Variants in ITGA8 observed in about 807,000 individuals in gnomAD.
ITGA8 encodes the protein integrin alpha-8.
Under a neutral mutation model 142.3 loss-of-function variants are expected in ITGA8, and 91 were observed. The observed-to-expected ratio is 0.64, with a 90% confidence interval of 0.54 to 0.76. ITGA8 has a LOEUF of 0.76. ITGA8 is among the 30% of genes least tolerant of loss of function. The probability of loss-of-function intolerance (pLI) is 0.00; values close to 1 mark genes in which losing one functional copy is unlikely to be tolerated. For missense variants in ITGA8, 1,406 were observed against 1,327.7 expected (o/e 1.06, Z -0.92); for synonymous variants, 505 against 485.2 (o/e 1.04, Z -0.54).
intron 8 of ITGA8, among the ~76,000 whole-genome samples, chr10:15,668,675 G>A (rs1166592828): frequency 6.6e-6 from 1 of 151,764 alleles, no homozygotes; most frequent in Non-Finnish European, 1.5e-5. Flanking sequence ...TCCTTTCCAT[G>A]TTTAGTGCTT....
chr10:15,663,108 T>G (rs1834320704), intron 8 of ITGA8, among the ~76,000 whole-genome samples: 1 of 147,522 alleles, frequency 6.8e-6, no homozygotes, highest in African/African-American at 2.5e-5. Context: ...ACCCATCATC[T>G]AGAGGACATT....
intron 2 of ITGA8, among the ~76,000 whole-genome samples, chr10:15,695,421 A>AT (rs1835032497): frequency 6.6e-6 from 1 of 152,156 alleles, no homozygotes; most frequent in African/African-American, 2.4e-5. Context: ...AATAAGTAAG[A>AT]TATATATGGG....
intron 27 of ITGA8, among the ~76,000 whole-genome samples, chr10:15,541,379 G>T (rs1833566250): frequency 6.6e-6 from 1 of 152,182 alleles, no homozygotes; most frequent in Non-Finnish European, 1.5e-5. Flanking sequence ...AGCCATCAAG[G>T]TGGTATTTCC....
chr10:15,575,815 A>C (rs550652961), intron 23 of ITGA8, among the ~76,000 whole-genome samples: 4 of 152,340 alleles, frequency 2.6e-5, no homozygotes, highest in African/African-American at 9.6e-5. Context: ...CCAGAGGGCA[A>C]CTATTTTATA....
intron 8 of ITGA8, among the ~76,000 whole-genome samples, chr10:15,663,212 T>C (rs1834322472): frequency 6.6e-6 from 1 of 152,184 alleles, no homozygotes. Flanking sequence ...TGTAGTGGTC[T>C]GGTGAGCTGA....
At chr10:15,576,726 C>A (rs964509473) in intron 23 of ITGA8, among the ~76,000 whole-genome samples, 3 of 152,120 alleles carry the variant, frequency 2.0e-5, no homozygotes, top group African/African-American at 4.8e-5. Context: ...GGTTTGTGTA[C>A]CACAAATGTT....
At chr10:15,576,326 A>T (rs1035718016) in intron 23 of ITGA8, among the ~76,000 whole-genome samples, 2 of 152,184 alleles carry the variant, frequency 1.3e-5, no homozygotes, top group African/African-American at 2.4e-5. Context: ...TTTTCCTGCA[A>T]CGTACACCTA....
intron 24 of ITGA8, 94 bp from the exon 25 acceptor site, chr10:15,572,463 T>C (rs1386064642): frequency 8.5e-7 from 1 of 1,177,798 alleles, no homozygotes; most frequent in Admixed American, 2.2e-5. Context: ...AGAAAGCATG[T>C]ATTATTGGTT....
chr10:15,688,102 T>A (rs1377692993), intron 2 of ITGA8, 64 bp from the exon 3 acceptor site: 6 of 1,066,938 alleles, frequency 5.6e-6, no homozygotes, highest in African/African-American at 3.1e-5. Context: ...AAACACATAA[T>A]AAATTTGTAC....
At position 15,708,069 on chromosome 10, in the gene ITGA8, G is replaced by A. The variant is rs146370074; in HGVS notation, c.343+10697C>T. The stretch of plus-strand genomic sequence containing the variant: ...CTGGCTGTTCCTATGAACCCCATCC[G>A]ACGGGACAAAATCTTAGGCTTTGTT... On this transcript the variant is annotated intron_variant, in intron 2 of 29. Coordinates refer to ENST00000378076, the MANE Select transcript of ITGA8 (RefSeq NM_003638.3). 3.0e-4 allele frequency among the ~76,000 whole-genome samples: 45 copies of A among 151,638 alleles called. 1 individual carries two copies. The highest frequency in any genetic ancestry group is 1.0e-3 in the African/African-American group (42 of 41,318).
rs574614921 is a variant in ITGA8 at position 15,688,759 on chromosome 10, C to T, written c.344-721G>A. Among the ~76,000 whole-genome samples the T allele has an allele frequency of 7.9e-5, 12 of 152,272 alleles. No homozygotes were observed. The South Asian group carries it at 2.3e-3, about 29-fold the overall frequency. ...TGAAGGGCAAAAACCATATGATCAT[C>T]TTAATAGATGCAGAGAAAGCCTTTG... On this transcript the variant is annotated intron_variant, in intron 2 of 29. Coordinates refer to ENST00000378076, the MANE Select transcript of ITGA8 (RefSeq NM_003638.3).
At chr10:15,678,278 C>T (rs933471002) in intron 5 of ITGA8, among the ~76,000 whole-genome samples, 6 of 152,016 alleles carry the variant, frequency 3.9e-5, no homozygotes, top group East Asian at 1.9e-4. Context: ...GAATCTTTTC[C>T]CTCTACATTC....
chr10:15,611,267 C>T (rs1366203219), intron 15 of ITGA8, among the ~76,000 whole-genome samples: 2 of 152,126 alleles, frequency 1.3e-5, no homozygotes, highest in Non-Finnish European at 2.9e-5. Flanking sequence ...TCTTCTGAGG[C>T]TCTGAGGCAC....
intron 13 of ITGA8, among the ~76,000 whole-genome samples, chr10:15,620,999 C>G (rs1554778755): frequency 6.6e-6 from 1 of 152,126 alleles, no homozygotes; most frequent in Non-Finnish European, 1.5e-5. Flanking sequence ...AGTTTCAGGG[C>G]TGATATTTGA....
chr10:15,633,251 A>G (rs1301863510), intron 13 of ITGA8, among the ~76,000 whole-genome samples: 1 of 152,122 alleles, frequency 6.6e-6, no homozygotes, highest in Non-Finnish European at 1.5e-5. Context: ...CCTTTTTGAA[A>G]AAACTAGGAA....
intron 13 of ITGA8, among the ~76,000 whole-genome samples, chr10:15,632,728 C>CT (rs984776465): frequency 2.4e-4 from 36 of 149,532 alleles, no homozygotes; most frequent in East Asian, 1.6e-3. Flanking sequence ...CAAATCTGGG[C>CT]TTTTTTTTTT....
rs888482088 is a variant in ITGA8, at chr10:15,616,516, G to A, written c.1443C>T (p.Tyr481=). 1.2e-6 allele frequency: 2 copies of A among 1,609,266 alleles called. No homozygotes were observed. Among genetic ancestry groups the A allele is most frequent in the Non-Finnish European group, 8.5e-7 (1 of 1,176,720 alleles). Reference sequence around the variant, plus strand: ...TTTGAATACTACCAACCACATACCTGTAAACAGCGACTTTTCCTGTTCCAA... The same window carrying A: ...TTTGAATACTACCAACCACATACCTATAAACAGCGACTTTTCCTGTTCCAA... ...GAFGTGKVAV[Y]RARPVVTVDA... The change falls in exon 14 of 30, where the codon TAC becomes TAT. Residue 481 remains tyrosine, a splice_region_variant and synonymous_variant. Transcript: ENST00000378076.
intron 21 of ITGA8, among the ~76,000 whole-genome samples, chr10:15,594,199 T>G (rs1363456177): frequency 6.6e-6 from 1 of 152,032 alleles, no homozygotes; most frequent in East Asian, 1.9e-4. Flanking sequence ...TCTCTCCTTT[T>G]TAGAAGCCTT....
intron 2 of ITGA8, among the ~76,000 whole-genome samples, chr10:15,693,979 C>G (rs886825063): frequency 6.6e-6 from 1 of 151,240 alleles, no homozygotes; most frequent in South Asian, 2.1e-4. Context: ...AAGGTATCCC[C>G]CCTTAAGCTG....
Sources: gnomAD v4.1 joint callset for allele counts (sites outside exome capture counted in the v4.1 genomes callset) on GRCh38, gnomAD v4.1.1 for gene constraint, MANE v1.5 for transcripts, NCBI Gene and HGNC (gene_info 2026-07-23, HGNC 2026-07-21) for gene names.